The following FRMPD4 variants were observed in gnomAD, a reference collection of about 807,000 sequenced individuals.
The protein encoded by FRMPD4 is FERM and PDZ domain containing 4, also known as FERM and PDZ domain-containing protein 4.
Under a neutral mutation model 94.1 loss-of-function variants are expected in FRMPD4, and 22 were observed. The ratio of observed to expected loss-of-function variants is 0.23; its 90% CI spans 0.17 to 0.33. The LOEUF is 0.33. Among genes scored for constraint, FRMPD4 ranks in the 10% least tolerant of loss-of-function variants. The pLI, the probability that FRMPD4 is intolerant of heterozygous loss-of-function variation, is 1.00. For missense variants in FRMPD4, 1,111 were observed against 1,339.9 expected, an observed-to-expected ratio of 0.83 and a Z score of 2.67; for synonymous variants, 631 against 548.6, an observed-to-expected ratio of 1.15 and a Z score of -2.10.
intron 1 of FRMPD4, among the ~76,000 whole-genome samples, chrX:12,385,619 A>T (rs1189724549): frequency 8.9e-6 from 1 of 112,604 alleles, no homozygotes; most frequent in Non-Finnish European, 1.9e-5. Flanking sequence ...TTACACATTG[A>T]GTCTTAAAGA....
At chrX:12,221,715 A>C (rs911321809) in intron 1 of FRMPD4, among the ~76,000 whole-genome samples, 2 of 112,098 alleles carry the variant, frequency 1.8e-5, no homozygotes, top group Non-Finnish European at 3.8e-5. Context: ...ACTGGCCTTC[A>C]TGAAGAGGAA....
chrX:12,579,580 G>A (rs1486607032), intron 2 of FRMPD4, among the ~76,000 whole-genome samples: 1 of 112,055 alleles, frequency 8.9e-6, no homozygotes, highest in Non-Finnish European at 1.9e-5. Flanking sequence ...CAGCTTGCTA[G>A]CAGATGTTTA....
intron 1 of FRMPD4, among the ~76,000 whole-genome samples, chrX:12,485,480 G>A (rs761927579): frequency 7.2e-5 from 8 of 111,757 alleles, no homozygotes; most frequent in South Asian, 7.6e-4. Flanking sequence ...AACCAAAGCC[G>A]TAACCAAAGA....
intron 1 of FRMPD4, among the ~76,000 whole-genome samples, chrX:12,160,115 G>A (rs1246706142): frequency 2.7e-5 from 3 of 109,614 alleles, no homozygotes; most frequent in Non-Finnish European, 3.8e-5. Context: ...CTGTGTGTGC[G>A]TGCGTGTATT....
At chrX:12,244,206 G>A (rs778846096) in intron 1 of FRMPD4, among the ~76,000 whole-genome samples, 1 of 110,868 alleles carries the variant, frequency 9.0e-6, no homozygotes, top group East Asian at 2.8e-4. Context: ...GATTGGGTGG[G>A]CTGGCTATCA....
intron 3 of FRMPD4, among the ~76,000 whole-genome samples, chrX:11,909,905 C>A (rs1246778348): frequency 9.0e-6 from 1 of 110,692 alleles, no homozygotes; most frequent in Non-Finnish European, 1.9e-5. Context: ...ACATTTTAAT[C>A]AACCATCTGA....
chrX:12,097,603 C>G (rs933734657), intron 3 of FRMPD4, among the ~76,000 whole-genome samples: 1 of 112,202 alleles, frequency 8.9e-6, no homozygotes, highest in Non-Finnish European at 1.9e-5. Context: ...TCTAGCTAAT[C>G]TACTTTCTGT....
At chrX:11,859,363 T>C (rs2147296256) in intron 1 of FRMPD4, among the ~76,000 whole-genome samples, 1 of 112,221 alleles carries the variant, frequency 8.9e-6, no homozygotes, top group Non-Finnish European at 1.9e-5. Flanking sequence ...ATTTCAGGTT[T>C]TCAAATGATA....
chrX:12,644,104 C>G (rs1290682553), intron 4 of FRMPD4, among the ~76,000 whole-genome samples: 1 of 109,898 alleles, frequency 9.1e-6, no homozygotes, highest in Non-Finnish European at 1.9e-5. Flanking sequence ...GGGTCTCACT[C>G]CGACATCCAG....
At chrX:12,465,260 A>C (rs1297296780) in intron 1 of FRMPD4, among the ~76,000 whole-genome samples, 1 of 112,127 alleles carries the variant, frequency 8.9e-6, no homozygotes, top group Non-Finnish European at 1.9e-5. Flanking sequence ...CAGGTTGGAT[A>C]AGGTGCTCAT....
At chrX:12,492,170 T>C (rs1468838749) in intron 1 of FRMPD4, among the ~76,000 whole-genome samples, 1 of 112,202 alleles carries the variant, frequency 8.9e-6, no homozygotes, top group Non-Finnish European at 1.9e-5. Flanking sequence ...GGGGACTCTA[T>C]AGATACATGG....
In FRMPD4 at chrX:12,718,249, C is replaced by G. The variant is rs2042141116; in HGVS notation, c.3423C>G (p.Gly1141=). ...EGAPDGETSD[G]SGLGQGDRFL... ...CTCCTGATGGAGAAACCAGTGATGG[C>G]TCAGGACTTGGTCAAGGGGACCGCT... The change falls in exon 16 of 17, where the codon GGC becomes GGG. Residue 1141 remains glycine, a synonymous_variant. Coordinates refer to ENST00000675598, the MANE Select transcript of FRMPD4 (RefSeq NM_001368397.1). 3.3e-6 allele frequency: 4 copies of G among 1,211,582 alleles called. No individual in the cohort carries two copies. The highest frequency in any genetic ancestry group is 1.8e-5 in the South Asian group (1 of 56,973).
chrX:11,917,544 G>A (rs2147341965), intron 3 of FRMPD4, among the ~76,000 whole-genome samples: 1 of 112,199 alleles, frequency 8.9e-6, no homozygotes, highest in African/African-American at 3.2e-5. Flanking sequence ...TAGACACCAT[G>A]GAATACCATA....
chrX:11,963,221 T>C (rs1294398777), intron 3 of FRMPD4, among the ~76,000 whole-genome samples: 1 of 112,443 alleles, frequency 8.9e-6, no homozygotes, highest in African/African-American at 3.2e-5. Flanking sequence ...CTGGAGCCAC[T>C]CACTCATGTC....
intron 3 of FRMPD4, among the ~76,000 whole-genome samples, chrX:12,025,210 A>G (rs1271019090): frequency 1.0e-5 from 1 of 99,295 alleles, no homozygotes; most frequent in Admixed American, 1.1e-4. Context: ...CTCTCTTTCC[A>G]TTTTTTTTTT....
intron 3 of FRMPD4, among the ~76,000 whole-genome samples, chrX:11,935,072 A>ATTTTTTTTTT (rs753999126): frequency 2.5e-5 from 1 of 40,240 alleles, no homozygotes; most frequent in African/African-American, 1.2e-4. Flanking sequence ...ACTATTGGTG[A>ATTTTTTTTTT]TTTTTTTTTT....
At chrX:12,236,513 T>C (rs2057072461) in intron 1 of FRMPD4, among the ~76,000 whole-genome samples, 1 of 111,807 alleles carries the variant, frequency 8.9e-6, no homozygotes, top group African/African-American at 3.2e-5. Flanking sequence ...CATATAGGGT[T>C]TCATAAATGT....
chrX:11,909,891 GA>G (rs1334146712), intron 3 of FRMPD4, among the ~76,000 whole-genome samples: 1 of 110,521 alleles, frequency 9.0e-6, no homozygotes, highest in African/African-American at 3.3e-5. Flanking sequence ...TGAATTCAGA[GA>G]AAACATTTTA....
rs111618469 is a variant in FRMPD4, at chrX:12,498,658, CTTTTT to C, written c.42-14_42-10del. On this transcript the variant is annotated splice_polypyrimidine_tract_variant and intron_variant, in intron 1 of 16. Transcript: ENST00000675598. ...TGTTCAGGAGTCAGGTGTAATGATG[CTTTTT>C]TTTTTTTCTTTTCCAGCCACAGGAC... 2.8e-6 allele frequency: 2 copies of C among 724,224 alleles called. No individual in the cohort carries two copies. Among genetic ancestry groups the C allele is most frequent in the Non-Finnish European group, 4.0e-6 (2 of 496,885 alleles). 59.7% of individuals were successfully genotyped at this position (724,224 alleles called of 1,213,427 possible). A position where few individuals can be genotyped will look rare whatever the true frequency, so the allele number is the denominator to read the frequency against.
Sources: allele counts gnomAD v4.1 joint callset (sites outside exome capture counted in the v4.1 genomes callset), GRCh38; gene constraint gnomAD v4.1.1; transcripts MANE v1.5; gene names NCBI Gene and HGNC (gene_info 2026-07-23, HGNC 2026-07-21).